COL25A1: variants seen among roughly 807,000 people sequenced by gnomAD.
COL25A1 encodes the protein collagen type XXV alpha 1 chain, also known as collagen alpha-1(XXV) chain.
Under a neutral mutation model 128.4 loss-of-function variants are expected in COL25A1, and 103 were observed. The ratio of observed to expected loss-of-function variants is 0.80; its 90% CI spans 0.68 to 0.94. COL25A1 has a LOEUF of 0.94. Among genes scored for constraint, COL25A1 ranks in the 40% least tolerant of loss-of-function variants. The pLI is 0.00. For missense variants in COL25A1, 745 were observed against 840.0 expected (o/e 0.89, Z 1.40); for synonymous variants, 279 against 277.2 (o/e 1.01, Z -0.06).
At chr4:108,852,002 T>A (rs2125772978) in intron 26 of COL25A1, among the ~76,000 whole-genome samples, 1 of 152,224 alleles carries the variant, frequency 6.6e-6, no homozygotes, top group Admixed American at 6.6e-5. Context: ...CTTTTTTCAA[T>A]GTCTTCCCTA....
chr4:109,110,339 T>G (rs2126037394), intron 3 of COL25A1, among the ~76,000 whole-genome samples: 1 of 152,248 alleles, frequency 6.6e-6, no homozygotes, highest in South Asian at 2.1e-4. Context: ...TCCTTGAAAC[T>G]TCTTTCCTTT....
At chr4:109,211,790 C>T (rs962414156) in intron 3 of COL25A1, among the ~76,000 whole-genome samples, 74 of 152,108 alleles carry the variant, frequency 4.9e-4, no homozygotes, top group African/African-American at 1.6e-3. Flanking sequence ...CCTAAGGAAC[C>T]CAAAGATCCA....
chr4:109,184,324 T>G (rs1774941560), intron 3 of COL25A1, among the ~76,000 whole-genome samples: 2 of 152,174 alleles, frequency 1.3e-5, no homozygotes, highest in Non-Finnish European at 1.5e-5. Flanking sequence ...GTAAGATGCA[T>G]TAACACTCCA....
At chr4:109,272,005 G>A (rs905496966) in intron 3 of COL25A1, among the ~76,000 whole-genome samples, 6 of 152,076 alleles carry the variant, frequency 3.9e-5, no homozygotes, top group Admixed American at 1.3e-4. Flanking sequence ...TTGGGAGGCT[G>A]AGGCAGGTGG....
intron 6 of COL25A1, among the ~76,000 whole-genome samples, chr4:109,001,389 G>GTCAGGTAGGCATCTGAGATCCTC: frequency 1.3e-5 from 2 of 152,182 alleles, no homozygotes; most frequent in African/African-American, 4.8e-5. Flanking sequence ...CTGAGATCCT[G>GTCAGGTAGGCATCTGAGATCCTC]TCAGGTAGGC....
intron 3 of COL25A1, among the ~76,000 whole-genome samples, chr4:109,265,171 T>C (rs1047323278): frequency 4.6e-5 from 7 of 152,214 alleles, no homozygotes; most frequent in South Asian, 2.1e-4. Flanking sequence ...CAGTATTTAA[T>C]TAGAAAATCC....
At chr4:108,917,523 G>T (rs566133451) in intron 13 of COL25A1, among the ~76,000 whole-genome samples, 2 of 152,150 alleles carry the variant, frequency 1.3e-5, no homozygotes, top group Non-Finnish European at 2.9e-5. Context: ...CTAAAGGGCC[G>T]GTCAGGGATG....
intron 3 of COL25A1, among the ~76,000 whole-genome samples, chr4:109,162,855 G>T (rs990344445): frequency 6.6e-6 from 1 of 152,134 alleles, no homozygotes; most frequent in Admixed American, 6.5e-5. Flanking sequence ...CTCCTCTCCA[G>T]GGAGTGAATT....
chr4:108,823,113 C>T lies in COL25A1; in HGVS notation c.1845+1061G>A, dbSNP rs150137680. Among the ~76,000 whole-genome samples the T allele has an allele frequency of 3.6e-3, 546 of 152,314 alleles. 1 individual carries two copies. The highest frequency in any genetic ancestry group is 0.012 in the African/African-American group (479 of 41,556). On this transcript the variant is annotated intron_variant, in intron 35 of 37. Transcript: ENST00000399132. Reference sequence around the variant, plus strand: ...CTTTCTTTCACAACTCTCATTTAGCCTTGCTTGTCAACAGCTATGAATGTC... The same window carrying T: ...CTTTCTTTCACAACTCTCATTTAGCTTTGCTTGTCAACAGCTATGAATGTC...
At chr4:108,959,505 C>T (rs1263451777) in intron 8 of COL25A1, among the ~76,000 whole-genome samples, 4 of 152,132 alleles carry the variant, frequency 2.6e-5, no homozygotes, top group Admixed American at 2.6e-4. Context: ...TTCCCCACTA[C>T]AACCAAAGGT....
At chr4:108,855,316 T>C (rs1736364615) in intron 24 of COL25A1, among the ~76,000 whole-genome samples, 1 of 151,860 alleles carries the variant, frequency 6.6e-6, no homozygotes, top group South Asian at 2.1e-4. Context: ...ATAATTCCAT[T>C]CAGTTTATGC....
At chr4:109,278,438 T>C (rs1242647262) in intron 3 of COL25A1, among the ~76,000 whole-genome samples, 1 of 152,230 alleles carries the variant, frequency 6.6e-6, no homozygotes, top group Non-Finnish European at 1.5e-5. Context: ...TTTAGTCCTA[T>C]AATTTTTTGG....
intron 3 of COL25A1, among the ~76,000 whole-genome samples, chr4:109,240,546 A>G (rs1779829180): frequency 6.6e-6 from 1 of 152,042 alleles, no homozygotes; most frequent in Non-Finnish European, 1.5e-5. Context: ...ACCAACTCAG[A>G]TGCACCTCCA....
chr4:109,046,020 T>C (rs1760393432), intron 5 of COL25A1, among the ~76,000 whole-genome samples: 1 of 152,202 alleles, frequency 6.6e-6, no homozygotes, highest in Non-Finnish European at 1.5e-5. Context: ...AACACAACTA[T>C]AATTCATAAG....
chr4:108,823,556 A>G (rs1732022434), intron 35 of COL25A1, among the ~76,000 whole-genome samples: 1 of 152,180 alleles, frequency 6.6e-6, no homozygotes, highest in South Asian at 2.1e-4. Flanking sequence ...TGGGCTCCTA[A>G]AGACCATGGA....
At chr4:108,957,443 C>T (rs538203640) in intron 8 of COL25A1, among the ~76,000 whole-genome samples, 6 of 152,246 alleles carry the variant, frequency 3.9e-5, no homozygotes, top group African/African-American at 1.4e-4. Flanking sequence ...TCATTTCACC[C>T]ATGAGCTTCA....
intron 3 of COL25A1, among the ~76,000 whole-genome samples, chr4:109,228,130 T>G (rs1778926465): frequency 6.6e-6 from 1 of 152,162 alleles, no homozygotes. Context: ...CTAGGACCCC[T>G]GCCATTTGGA....
At chr4:109,147,473 A>T (rs1453871447) in intron 3 of COL25A1, among the ~76,000 whole-genome samples, 1 of 152,212 alleles carries the variant, frequency 6.6e-6, no homozygotes, top group East Asian at 1.9e-4. Context: ...ATTTGTAATC[A>T]GGTTTTTTAA....
intron 3 of COL25A1, among the ~76,000 whole-genome samples, chr4:109,125,223 C>T (rs949283873): frequency 2.6e-5 from 4 of 152,018 alleles, no homozygotes; most frequent in Non-Finnish European, 5.9e-5. Flanking sequence ...GATGGCTATC[C>T]CTTAAGGAAC....
Sources: allele counts gnomAD v4.1 joint callset (sites outside exome capture counted in the v4.1 genomes callset), GRCh38; gene constraint gnomAD v4.1.1; transcripts MANE v1.5; gene names NCBI Gene and HGNC (gene_info 2026-07-23, HGNC 2026-07-21).